The following MTHFD1L variants were observed in gnomAD, a reference collection of about 807,000 sequenced individuals.
MTHFD1L encodes methylenetetrahydrofolate dehydrogenase (NADP+ dependent) 1 like.
A neutral mutation model predicts 119.5 loss-of-function variants in MTHFD1L; 81 were observed. The observed-to-expected ratio is 0.68, with a 90% CI of 0.57 to 0.82. The LOEUF (loss-of-function observed/expected upper bound fraction) is 0.82, where lower values mean the gene tolerates loss of function less well. Ranked by LOEUF, MTHFD1L falls within the 40% of genes least tolerant of loss-of-function variation. The pLI, the probability that MTHFD1L is intolerant of heterozygous loss-of-function variation, is 0.00. For synonymous variants in MTHFD1L, 430 were observed against 475.2 expected (o/e 0.90, Z 1.24); for missense variants, 1,125 against 1,253.4 (o/e 0.90, Z 1.55).
intron 7 of MTHFD1L, among the ~76,000 whole-genome samples, chr6:150,898,350 C>G (rs539752320): frequency 6.6e-6 from 1 of 152,116 alleles, no homozygotes; most frequent in Non-Finnish European, 1.5e-5. Context: ...GAACGCAGGT[C>G]GCAGGACTCC....
rs117178845 is a variant in MTHFD1L, at chr6:150,872,589, C to G, written c.228-3501C>G. On this transcript the variant is annotated intron_variant, in intron 1 of 27. Transcript: ENST00000367321. ...CAGTAACATCAAAGATCGTCAATCA[C>G]ACATCACCAGAACAAACATACTAAA... is the stretch of plus-strand genomic sequence containing the variant. Among the ~76,000 whole-genome samples the G allele has an allele frequency of 6.9e-3, 1,050 of 152,220 alleles. 7 individuals are homozygous for G. The highest frequency in any genetic ancestry group is 0.036 in the East Asian group (185 of 5,164).
chr6:151,001,393 A>G (rs1780599772), intron 20 of MTHFD1L, among the ~76,000 whole-genome samples: 1 of 152,208 alleles, frequency 6.6e-6, no homozygotes, highest in Admixed American at 6.5e-5. Flanking sequence ...CTATCTCAGC[A>G]CTTCAGTTTA....
intron 9 of MTHFD1L, among the ~76,000 whole-genome samples, chr6:150,921,289 T>G (rs1788888679): frequency 6.6e-6 from 1 of 151,890 alleles, no homozygotes; most frequent in Non-Finnish European, 1.5e-5. Context: ...CCAGCTAATT[T>G]TGTATTTTTA....
chr6:151,087,065 G>A (rs1238244021), intron 26 of MTHFD1L, among the ~76,000 whole-genome samples: 2 of 151,950 alleles, frequency 1.3e-5, no homozygotes, highest in Non-Finnish European at 2.9e-5. Context: ...TCTGGCCACC[G>A]TGGTGAAACC....
intron 26 of MTHFD1L, among the ~76,000 whole-genome samples, chr6:151,040,167 C>T (rs1786876310): frequency 6.6e-6 from 1 of 152,084 alleles, no homozygotes; most frequent in African/African-American, 2.4e-5. Flanking sequence ...CACGATCTGT[C>T]CTGTCCTACC....
intron 17 of MTHFD1L, among the ~76,000 whole-genome samples, chr6:150,957,411 G>A (rs1429934548): frequency 1.3e-5 from 2 of 152,178 alleles, no homozygotes; most frequent in Non-Finnish European, 2.9e-5. Flanking sequence ...GGGCATTTAT[G>A]CAGCGTTAGT....
chr6:150,889,784 T>C (rs1033511272), intron 7 of MTHFD1L, among the ~76,000 whole-genome samples: 2 of 151,870 alleles, frequency 1.3e-5, no homozygotes, highest in Admixed American at 1.3e-4. Flanking sequence ...CTGGCGGGAG[T>C]TTAAATTTGA....
chr6:150,940,550 C>A (rs114507764), intron 13 of MTHFD1L, among the ~76,000 whole-genome samples: 1 of 151,584 alleles, frequency 6.6e-6, no homozygotes, highest in Non-Finnish European at 1.5e-5. Flanking sequence ...GCATCAGCTG[C>A]GTGGCTTGGA....
At chr6:150,914,392 C>T (rs1277160032) in intron 8 of MTHFD1L, among the ~76,000 whole-genome samples, 3 of 152,118 alleles carry the variant, frequency 2.0e-5, no homozygotes, top group African/African-American at 4.8e-5. Context: ...GGTAGTAAAC[C>T]TTAGCCTACT....
At chr6:150,980,589 T>TA (rs780462587) in intron 20 of MTHFD1L, among the ~76,000 whole-genome samples, 1 of 151,646 alleles carries the variant, frequency 6.6e-6, no homozygotes, top group Non-Finnish European at 1.5e-5. Flanking sequence ...TTTAAAGAGA[T>TA]ACGTTTAGCT....
intron 17 of MTHFD1L, among the ~76,000 whole-genome samples, chr6:150,957,775 C>T (rs1436644447): frequency 1.3e-5 from 2 of 152,136 alleles, no homozygotes; most frequent in African/African-American, 4.8e-5. Flanking sequence ...AAGTAAAATA[C>T]TGATATTGTA....
At position 151,007,217 on chromosome 6, in the gene MTHFD1L, CCT is replaced by C. The variant is rs545501547; in HGVS notation, c.2126-2596_2126-2595del. Among the ~76,000 whole-genome samples the C allele has an allele frequency of 9.9e-5, 15 of 151,990 alleles. 1 individual carries two copies. The East Asian group carries it at 2.9e-3, about 29-fold the overall frequency. The stretch of plus-strand genomic sequence containing the variant: ...TTCTCAGAGCCTGACTCCATCACCC[CCT>C]CTCTCCAACCCTCCCAGGCAAACTC... On this transcript the variant is annotated intron_variant, in intron 20 of 27. Transcript: ENST00000367321.
chr6:150,962,652 C>A (rs146284794), intron 18 of MTHFD1L, among the ~76,000 whole-genome samples: 1 of 152,188 alleles, frequency 6.6e-6, no homozygotes, highest in African/African-American at 2.4e-5. Flanking sequence ...TTGCCCTGCA[C>A]GTGACAGCAC....
At chr6:151,090,356 T>C (rs1485786636) in intron 26 of MTHFD1L, among the ~76,000 whole-genome samples, 2 of 152,224 alleles carry the variant, frequency 1.3e-5, no homozygotes, top group African/African-American at 4.8e-5. Context: ...GCTGGAGCTG[T>C]TGGGGGCTGA....
chr6:151,076,911 T>C (rs1318067637), intron 26 of MTHFD1L, among the ~76,000 whole-genome samples: 1 of 152,196 alleles, frequency 6.6e-6, no homozygotes, highest in Non-Finnish European at 1.5e-5. Context: ...TGTAATAATA[T>C]ACAGTAAGCT....
At chr6:151,032,503 G>T (rs1464921896) in intron 24 of MTHFD1L, among the ~76,000 whole-genome samples, 1 of 152,114 alleles carries the variant, frequency 6.6e-6, no homozygotes, top group Non-Finnish European at 1.5e-5. Flanking sequence ...CTCCCACCTG[G>T]CCCCACCTCC....
chr6:151,060,266 T>C (rs1790464148), intron 26 of MTHFD1L, among the ~76,000 whole-genome samples: 1 of 152,208 alleles, frequency 6.6e-6, no homozygotes, highest in African/African-American at 2.4e-5. Context: ...AATCCTCAGA[T>C]GAACGGAGAT....
At chr6:151,012,993 A>G (rs991321111) in intron 21 of MTHFD1L, among the ~76,000 whole-genome samples, 2 of 152,192 alleles carry the variant, frequency 1.3e-5, no homozygotes, top group Non-Finnish European at 2.9e-5. Context: ...TGATTTCCAT[A>G]TCAATTTCAT....
chr6:150,898,785 GC>G (rs1562341016), intron 7 of MTHFD1L: 1 of 362,190 alleles, frequency 2.8e-6, no homozygotes, highest in South Asian at 2.2e-5. Context: ...CTCTTTCTTA[GC>G]CCCACGTTTG....
Sources: allele counts gnomAD v4.1 joint callset (sites outside exome capture counted in the v4.1 genomes callset), GRCh38; gene constraint gnomAD v4.1.1; transcripts MANE v1.5; gene names NCBI Gene and HGNC (gene_info 2026-07-23, HGNC 2026-07-21).